Variants in ACSL5 observed in about 807,000 individuals in gnomAD.
ACSL5 encodes long-chain-fatty-acid--CoA ligase 5.
Under a neutral mutation model 84.9 loss-of-function variants are expected in ACSL5, and 50 were observed. The observed-to-expected ratio is 0.59, with a 90% CI of 0.47 to 0.75. The LOEUF (loss-of-function observed/expected upper bound fraction) is 0.75, where lower values mean the gene tolerates loss of function less well. ACSL5 is among the 30% of genes least tolerant of loss of function. The pLI is 0.00. For synonymous variants in ACSL5, 280 were observed against 300.7 expected (o/e 0.93, Z 0.71); for missense variants, 775 against 830.4 (o/e 0.93, Z 0.82).
chr10:112,412,279 C>A, intron 11 of ACSL5: 1 of 322,972 alleles, frequency 3.1e-6, no homozygotes, highest in Non-Finnish European at 5.6e-6. Flanking sequence ...TAATTCTGAG[C>A]TGACACAAGA....
intron 1 of ACSL5, among the ~76,000 whole-genome samples, chr10:112,394,527 G>T (rs533357453): frequency 2.0e-5 from 3 of 152,224 alleles, no homozygotes; most frequent in Non-Finnish European, 4.4e-5. Context: ...TGGTCTGCCT[G>T]GGCAGAGGAG....
At chr10:112,379,168 G>T (rs1011194939) in intron 1 of ACSL5, among the ~76,000 whole-genome samples, 1 of 152,156 alleles carries the variant, frequency 6.6e-6, no homozygotes, top group Non-Finnish European at 1.5e-5. Context: ...ACTTTGGGAG[G>T]CCGAGGCAGG....
Position 112,410,674 on chromosome 10 carries a change from G to T in ACSL5, c.796+39G>T, listed in dbSNP as rs1195923283. ...AAACTGAACCTTAGACCCCTGGTCA[G>T]CCAAGAACATGGCTTCAATTCTTGG... On this transcript the variant is annotated intron_variant, in intron 9 of 20. Transcript: ENST00000354655. 10 of 1,595,232 alleles carry T rather than the reference G, an allele frequency of 6.3e-6. No individual in the cohort carries two copies. The East Asian group carries it at 2.0e-4, about 33-fold the overall frequency.
intron 5 of ACSL5, among the ~76,000 whole-genome samples, chr10:112,407,699 G>A (rs2133622237): frequency 6.6e-6 from 1 of 152,248 alleles, no homozygotes; most frequent in East Asian, 1.9e-4. Context: ...ACTATTCTTT[G>A]TTCATTCACT....
chr10:112,397,243 C>T (rs189858862), intron 2 of ACSL5, among the ~76,000 whole-genome samples: 308 of 151,390 alleles, frequency 2.0e-3, no homozygotes, highest in Non-Finnish European at 3.2e-3. Context: ...GATCTTGGCT[C>T]ACTGCAACCT....
At chr10:112,405,316 C>G (rs913490860) in intron 5 of ACSL5, among the ~76,000 whole-genome samples, 2 of 152,076 alleles carry the variant, frequency 1.3e-5, no homozygotes, top group African/African-American at 4.8e-5. Flanking sequence ...GCACATTATC[C>G]CCAGAGGAAG....
intron 16 of ACSL5, 104 bp from the exon 17 acceptor site, chr10:112,422,221 T>C (rs1844481694): frequency 8.9e-7 from 1 of 1,119,182 alleles, no homozygotes; most frequent in African/African-American, 1.5e-5. Flanking sequence ...CACAGTGTAG[T>C]GGAAGCCATC....
intron 18 of ACSL5, 91 bp from the exon 19 acceptor site, chr10:112,426,167 A>T: frequency 1.0e-6 from 1 of 997,412 alleles, no homozygotes; most frequent in Non-Finnish European, 1.6e-6. Flanking sequence ...AATAACTATT[A>T]CAATGACATA....
At position 112,427,498 on chromosome 10, in the gene ACSL5, T is replaced by C. The variant is rs532625833; in HGVS notation, c.*140T>C. 34 of 712,136 alleles carry C rather than the reference T, an allele frequency of 4.8e-5. No homozygotes were observed. In the African/African-American group the frequency reaches 6.1e-4, roughly 13 times the overall value. The allele number at this position is 712,136 out of a possible 1,614,324, so 44.1% of individuals were successfully genotyped here. On this transcript the variant is annotated 3_prime_UTR_variant, in exon 21 of 21. Coordinates refer to ENST00000354655, the MANE Select transcript of ACSL5 (RefSeq NM_203379.2). ...CTCTAAAGCCATAGCTTTTGTTTTA[T>C]ATTGAGACATATAATGTGTAAACTT...
Position 112,425,474 on chromosome 10 carries a change from G to A in ACSL5, c.1730G>A (p.Ser577Asn), listed in dbSNP as rs1336537623. 1.9e-6 allele frequency: 3 copies of A among 1,607,980 alleles called. No homozygotes were observed. Among genetic ancestry groups the A allele is most frequent in the Non-Finnish European group, 1.7e-6 (2 of 1,177,542 alleles). The stretch of plus-strand genomic sequence containing the variant: ...TTACAAATTTTTGTACACGGGGAGA[G>A]CTTACGGGTAATATATCATTTTAAC... ...PVLQIFVHGE[S>N]LRSSLVGVVV... The change falls in exon 18 of 21, where the codon AGC becomes AAC. Residue 577 changes from serine (S) to asparagine (N), a missense_variant. Coordinates refer to ENST00000354655, the MANE Select transcript of ACSL5 (RefSeq NM_203379.2).
intron 1 of ACSL5, among the ~76,000 whole-genome samples, chr10:112,385,530 G>A (rs1405770804): frequency 6.6e-6 from 1 of 152,218 alleles, no homozygotes; most frequent in African/African-American, 2.4e-5. Flanking sequence ...GGAATCTGAT[G>A]CACGAGGAAA....
At position 112,428,332 on chromosome 10, in the gene ACSL5, T is replaced by G. The variant is rs1287877691; in HGVS notation, c.*974T>G. The G allele has an allele frequency of 2.5e-6, 1 of 397,592 alleles. No individual in the cohort carries two copies. The highest frequency in any genetic ancestry group is 4.4e-6 in the Non-Finnish European group (1 of 225,506). 24.6% of individuals were successfully genotyped at this position (397,592 alleles called of 1,614,324 possible). ...CTTACCCACAGATAACACATGTTGT[T>G]TCTACTTGTAAATGTAAAGTCTTTA... is the stretch of plus-strand genomic sequence containing the variant. On this transcript the variant is annotated 3_prime_UTR_variant, in exon 21 of 21. Coordinates refer to ENST00000354655, the MANE Select transcript of ACSL5 (RefSeq NM_203379.2).
At chr10:112,381,980 C>G (rs1456496139) in intron 1 of ACSL5, among the ~76,000 whole-genome samples, 3 of 152,080 alleles carry the variant, frequency 2.0e-5, no homozygotes, top group Admixed American at 2.0e-4. Flanking sequence ...CTTCTCCAGC[C>G]CACCAGGTGC....
chr10:112,410,242 A>G (rs1283268430), intron 7 of ACSL5: 3 of 1,524,622 alleles, frequency 2.0e-6, no homozygotes, highest in South Asian at 2.4e-5. Context: ...TTGAACATGC[A>G]ATCTACCCTC....
chr10:112,409,657 T>C lies in ACSL5; in HGVS notation c.683T>C (p.Ile228Thr), dbSNP rs759290070. The part of the protein sequence containing the change: ...DLKQRGEKSG[I>T]EILSLYDAEN... Reference sequence around the variant, plus strand: ...AAGCAAAGAGGGGAGAAGAGTGGAATTGAGATCTTATCCCTATATGATGCT... The same window carrying C: ...AAGCAAAGAGGGGAGAAGAGTGGAACTGAGATCTTATCCCTATATGATGCT... Residue 228 changes from isoleucine to threonine, a missense_variant, in exon 7 of 21, where the codon ATT becomes ACT. Coordinates refer to ENST00000354655, the MANE Select transcript of ACSL5 (RefSeq NM_203379.2). 1.5e-5 allele frequency: 24 copies of C among 1,614,158 alleles called. No individual in the cohort carries two copies. The highest frequency in any genetic ancestry group is 4.5e-5 in the East Asian group (2 of 44,886).
At chr10:112,416,425 G>C (rs547151062) in intron 12 of ACSL5, among the ~76,000 whole-genome samples, 38 of 148,138 alleles carry the variant, frequency 2.6e-4, no homozygotes, top group Non-Finnish European at 3.6e-4. Flanking sequence ...GAGCCGAGAT[G>C]GCGCCACTGC....
intron 1 of ACSL5, among the ~76,000 whole-genome samples, chr10:112,383,220 C>T (rs929269210): frequency 6.6e-6 from 1 of 152,230 alleles, no homozygotes; most frequent in African/African-American, 2.4e-5. Flanking sequence ...GGGAAGTTAA[C>T]ACTGCAGTGA....
intron 5 of ACSL5, 62 bp from the exon 6 acceptor site, chr10:112,408,360 A>T (rs1844098041): frequency 9.4e-7 from 1 of 1,060,110 alleles, no homozygotes; most frequent in East Asian, 2.4e-5. Context: ...TGTTGGCTGA[A>T]TGACTGAACT....
At chr10:112,426,214 A>G in intron 18 of ACSL5, 44 bp from the exon 19 acceptor site, 2 of 1,513,936 alleles carry the variant, frequency 1.3e-6, no homozygotes, top group Non-Finnish European at 1.8e-6. Flanking sequence ...ACATCCCTAC[A>G]TAACTTCTCT....
Sources: allele counts gnomAD v4.1 joint callset (sites outside exome capture counted in the v4.1 genomes callset), GRCh38; gene constraint gnomAD v4.1.1; transcripts MANE v1.5; gene names NCBI Gene and HGNC (gene_info 2026-07-23, HGNC 2026-07-21).